Variants in PPIC observed in about 807,000 individuals in gnomAD.
PPIC encodes peptidylprolyl isomerase C.
Under a neutral mutation model 19.5 loss-of-function variants are expected in PPIC, and 19 were observed. The observed-to-expected ratio is 0.98, with a 90% CI of 0.68 to 1.43. The LOEUF (loss-of-function observed/expected upper bound fraction) is 1.43, where lower values mean the gene tolerates loss of function less well. Among genes scored for constraint, PPIC ranks in the 40% most tolerant of loss-of-function variants. PPIC has a pLI of 0.00. For missense variants in PPIC, 268 were observed against 268.6 expected (o/e 1.00, Z 0.02); for synonymous variants, 107 against 101.2 (o/e 1.06, Z -0.34).
At chr5:123,029,144 C>G (rs1168974407) in intron 2 of PPIC, 161 bp downstream of exon 2, 1 of 1,356,260 alleles carries the variant, frequency 7.4e-7, no homozygotes, top group Non-Finnish European at 1.0e-6. Flanking sequence ...AGCCTAAGGG[C>G]ACTGAGTGCC....
chr5:123,029,369 A>G lies in PPIC; in HGVS notation c.167T>C (p.Ile56Thr), dbSNP rs1405273601. 4 of 1,610,928 alleles carry G rather than the reference A, an allele frequency of 2.5e-6. No homozygotes were observed. Among genetic ancestry groups the G allele is most frequent in the Non-Finnish European group, 3.4e-6 (4 of 1,178,128 alleles). Residue 56 changes from isoleucine to threonine, a missense_variant, in exon 2 of 5, where the codon ATT (isoleucine) becomes ACT (threonine). Ile to Thr is a moderately conservative substitution (Grantham distance 89). Coordinates refer to ENST00000306442, the MANE Select transcript of PPIC (RefSeq NM_000943.5). ...GGGCACAACTTTTCCAAAGAGGCCA[A>G]TCACAATTCTGCCAACATCTTTGTC... ...IGDKDVGRIV[I>T]GLFGKVVPKT...
chr5:123,036,376 G>A lies in PPIC; in HGVS notation c.117+133C>T, dbSNP rs990078967. 1.4e-6 allele frequency: 1 copy of A among 728,614 alleles called. No homozygotes were observed. The highest frequency in any genetic ancestry group is 1.6e-5 in the South Asian group (1 of 60,982). The allele number at this position is 728,614 out of a possible 1,614,324, so 45.1% of individuals were successfully genotyped here. Reference sequence around the variant, plus strand: ...GAGCAGCCCCCTCCCACCCAGTCCCGCGGCCGCCTCCAGTCCCCCTGCGCC... The same window carrying A: ...GAGCAGCCCCCTCCCACCCAGTCCCACGGCCGCCTCCAGTCCCCCTGCGCC... On this transcript the variant is annotated intron_variant, in intron 1 of 4. Transcript: ENST00000306442. This position sits in a 1 kb window ranked among gnomAD's most constrained non-coding sequence, Gnocchi z 4.5.
rs752752692 is a variant in PPIC, at chr5:123,023,886, C to T, written c.628G>A (p.Ala210Thr). The T allele has an allele frequency of 4.3e-6, 7 of 1,612,486 alleles. No homozygotes were observed. Among genetic ancestry groups the T allele is most frequent in the East Asian group, 4.5e-5 (2 of 44,864 alleles). ...DVKTPFVVEIADW is the reference protein window; with the variant it reads ...DVKTPFVVEITDW ...TTCTGCCAGTTGTGTCACCAATCAG[C>T]GATCTCAACCACAAAAGGCGTTTTC... Residue 210 changes from alanine to threonine, a missense_variant, in exon 5 of 5, where the codon GCT becomes ACT. Coordinates refer to ENST00000306442, the MANE Select transcript of PPIC (RefSeq NM_000943.5).
At chr5:123,024,234 C>T (rs1762817283) in intron 4 of PPIC, among the ~76,000 whole-genome samples, 2 of 152,202 alleles carry the variant, frequency 1.3e-5, no homozygotes, top group African/African-American at 4.8e-5. Flanking sequence ...CCTTCTTACT[C>T]AGAGACCACA....
At chr5:123,025,711 A>G (rs1297778722) in intron 4 of PPIC, 73 bp downstream of exon 4, 3 of 1,442,808 alleles carry the variant, frequency 2.1e-6, no homozygotes, top group Non-Finnish European at 2.9e-6. Flanking sequence ...ATATTTTAAG[A>G]TTAAAATAAA....
intron 1 of PPIC, among the ~76,000 whole-genome samples, chr5:123,032,658 T>C (rs1245536308): frequency 6.6e-6 from 1 of 152,032 alleles, no homozygotes; most frequent in Admixed American, 6.5e-5. Context: ...GGGCCAGGGG[T>C]GGGGTGGGGC....
At chr5:123,032,699 T>A (rs1317623152) in intron 1 of PPIC, among the ~76,000 whole-genome samples, 1 of 152,112 alleles carries the variant, frequency 6.6e-6, no homozygotes, top group African/African-American at 2.4e-5. Flanking sequence ...GGAGCTTCAG[T>A]CCAACAGAAA....
At chr5:123,032,019 A>G (rs1762951079) in intron 1 of PPIC, among the ~76,000 whole-genome samples, 1 of 152,042 alleles carries the variant, frequency 6.6e-6, no homozygotes, top group African/African-American at 2.4e-5. Flanking sequence ...CTGGTCTCGA[A>G]CTCCTGACCG....
chr5:123,031,374 G>A (rs922399258), intron 1 of PPIC, among the ~76,000 whole-genome samples: 4 of 152,192 alleles, frequency 2.6e-5, no homozygotes, highest in Non-Finnish European at 4.4e-5. Flanking sequence ...AGGCTAAGGA[G>A]GAAGGCTTGA....
chr5:123,026,018 T>A (rs1157424983), intron 3 of PPIC, 50 bp from the exon 4 acceptor site: 1 of 1,494,590 alleles, frequency 6.7e-7, no homozygotes, highest in Non-Finnish European at 9.0e-7. Flanking sequence ...AAAAGTCAGC[T>A]CTTCAAAGGG....
At chr5:123,035,905 C>CA (rs1241871148) in intron 1 of PPIC, among the ~76,000 whole-genome samples, 1 of 152,072 alleles carries the variant, frequency 6.6e-6, no homozygotes, top group African/African-American at 2.4e-5. Context: ...TAGCCCACAG[C>CA]AGGGGCCGCC....
intron 3 of PPIC, among the ~76,000 whole-genome samples, chr5:123,027,592 C>T (rs1235620812): frequency 6.6e-6 from 1 of 152,218 alleles, no homozygotes; most frequent in Non-Finnish European, 1.5e-5. Context: ...CTCCAGTCTA[C>T]ATCCCCATAC....
chr5:123,025,742 A>G, intron 4 of PPIC, 42 bp downstream of exon 4: 1 of 1,569,772 alleles, frequency 6.4e-7, no homozygotes, highest in African/African-American at 1.4e-5. Context: ...TACTCTCAAT[A>G]AAAATATAAA....
At chr5:123,035,252 C>T (rs1365113836) in intron 1 of PPIC, among the ~76,000 whole-genome samples, 1 of 152,168 alleles carries the variant, frequency 6.6e-6, no homozygotes, top group African/African-American at 2.4e-5. Flanking sequence ...AAATGTCACC[C>T]AAAGTATATT....
In PPIC at chr5:123,036,240, C is replaced by T. The variant is rs1763009808; in HGVS notation, c.117+269G>A. 1 of 507,388 alleles carries T rather than the reference C, an allele frequency of 2.0e-6. No individual in the cohort carries two copies. The highest frequency in any genetic ancestry group is 2.0e-5 in the African/African-American group (1 of 49,018). 31.4% of individuals were successfully genotyped at this position (507,388 alleles called of 1,614,324 possible). ...GCCTCTCCTACCCCCAGGCTGGTCA[C>T]CTCGGACTACCGACCCGGGACAAGA... On this transcript the variant is annotated intron_variant, in intron 1 of 4. Transcript: ENST00000306442. This position sits in a 1 kb window ranked among gnomAD's most constrained non-coding sequence, Gnocchi z 4.5.
Position 123,023,772 on chromosome 5 carries a change from T to TAAAAA in PPIC, c.*98_*102dup, listed in dbSNP as rs528773387. On this transcript the variant is annotated 3_prime_UTR_variant, in exon 5 of 5. Transcript: ENST00000306442. Reference sequence around the variant, plus strand: ...TCTGGGATAGAATACAAAAAGAAAGTAAAAAAAAAAAAGCAAATAATTGAA... The same window carrying TAAAAA: ...TCTGGGATAGAATACAAAAAGAAAGTAAAAAAAAAAAAAAAAAGCAAATAATTGAA... 1.3e-6 allele frequency: 1 copy of TAAAAA among 759,074 alleles called. No individual in the cohort carries two copies. Among genetic ancestry groups the TAAAAA allele is most frequent in the Non-Finnish European group, 1.8e-6 (1 of 561,030 alleles). 47.0% of individuals were successfully genotyped at this position (759,074 alleles called of 1,614,324 possible). A position where few individuals can be genotyped will look rare whatever the true frequency, so the allele number is the denominator to read the frequency against.
intron 4 of PPIC, among the ~76,000 whole-genome samples, chr5:123,024,875 C>T (rs1226532336): frequency 6.6e-6 from 1 of 152,146 alleles, no homozygotes; most frequent in Non-Finnish European, 1.5e-5. Context: ...ACAGACTTTA[C>T]AGTAACCAGT....
chr5:123,029,776 A>T (rs1762919700), intron 1 of PPIC, among the ~76,000 whole-genome samples: 1 of 152,194 alleles, frequency 6.6e-6, no homozygotes, highest in South Asian at 2.1e-4. Context: ...TCCTGGCTTT[A>T]TGGATGAAGA....
chr5:123,036,406 A>C lies in PPIC; in HGVS notation c.117+103T>G. 33 of 1,029,302 alleles carry C rather than the reference A, an allele frequency of 3.2e-5. No homozygotes were observed. Among genetic ancestry groups the C allele is most frequent in the Non-Finnish European group, 3.2e-5 (22 of 698,168 alleles). The allele number at this position is 1,029,302 out of a possible 1,614,324, so 63.8% of individuals were successfully genotyped here. ...CGCCTCCAGTCCCCCTGCGCCCGGGAAGCCTCCACCTCGCCCGCCCTGACA... is the reference window on the plus strand; with the variant it reads ...CGCCTCCAGTCCCCCTGCGCCCGGGCAGCCTCCACCTCGCCCGCCCTGACA... On this transcript the variant is annotated intron_variant, in intron 1 of 4. Transcript: ENST00000306442. This position sits in a 1 kb window ranked among gnomAD's most constrained non-coding sequence, Gnocchi z 4.5.
Sources: gnomAD v4.1 joint callset for allele counts (sites outside exome capture counted in the v4.1 genomes callset) on GRCh38, gnomAD v4.1.1 for gene constraint, Gnocchi (gnomAD v3.1) non-coding constraint, MANE v1.5 for transcripts, NCBI Gene and HGNC (gene_info 2026-07-23, HGNC 2026-07-21) for gene names.